MGAT5: variants seen among roughly 807,000 people sequenced by gnomAD.
MGAT5 encodes alpha-1,6-mannosylglycoprotein 6-beta-N-acetylglucosaminyltransferase.
Under a neutral mutation model 94.3 loss-of-function variants are expected in MGAT5, and 30 were observed. That is an observed-to-expected ratio of 0.32 (90% confidence interval 0.24 to 0.43). MGAT5 has a LOEUF of 0.43. Among genes scored for constraint, MGAT5 ranks in the 20% least tolerant of loss-of-function variants. The probability of loss-of-function intolerance (pLI) is 1.00; values close to 1 mark genes in which losing one functional copy is unlikely to be tolerated. For synonymous variants in MGAT5, 310 were observed against 322.9 expected (o/e 0.96, Z 0.43); for missense variants, 691 against 905.5 (o/e 0.76, Z 3.04).
intron 2 of MGAT5, among the ~76,000 whole-genome samples, chr2:134,282,095 T>C (rs1684732370): frequency 6.6e-6 from 1 of 152,246 alleles, no homozygotes; most frequent in Admixed American, 6.5e-5. Flanking sequence ...CTCCTTTCGC[T>C]TCTGGCCTCT....
At chr2:134,333,028 G>T (rs1427748337) in intron 4 of MGAT5, among the ~76,000 whole-genome samples, 1 of 152,116 alleles carries the variant, frequency 6.6e-6, no homozygotes, top group Non-Finnish European at 1.5e-5. Context: ...TCAGTGTGGC[G>T]ATTCCTCAGG....
chr2:134,276,405 A>G (rs1394654885), intron 2 of MGAT5, among the ~76,000 whole-genome samples: 1 of 152,250 alleles, frequency 6.6e-6, no homozygotes, highest in African/African-American at 2.4e-5. Flanking sequence ...AAGTAGTCTT[A>G]GAGAATGGGT....
chr2:134,198,123 C>A (rs548737898), intron 1 of MGAT5, among the ~76,000 whole-genome samples: 1 of 152,130 alleles, frequency 6.6e-6, no homozygotes, highest in Non-Finnish European at 1.5e-5. Context: ...AATTTTTAAG[C>A]CTGTATAGCC....
chr2:134,270,202 G>GT (rs1683944917), intron 1 of MGAT5, among the ~76,000 whole-genome samples, 184 bp from the exon 2 acceptor site: 1 of 152,242 alleles, frequency 6.6e-6, no homozygotes, highest in African/African-American at 2.4e-5. Flanking sequence ...ACAGACTGAT[G>GT]TATTTAGTAG....
chr2:134,451,702 AT>A lies in MGAT5; in HGVS notation c.*2857del, dbSNP rs1463375163. On this transcript the variant is annotated 3_prime_UTR_variant, in exon 16 of 16. Transcript: ENST00000281923. ...TATAATATCTTGCCTGTTTTTTTGG[AT>A]TATTTTCCCCATTGTGATCCTAAGC... 1 of 152,096 alleles carries A rather than the reference AT, an allele frequency of 6.6e-6. No homozygotes were observed. The highest frequency in any genetic ancestry group is 1.9e-4 in the East Asian group (1 of 5,196). The allele number at this position is 152,096 out of a possible 1,614,324, so 9.4% of individuals were successfully genotyped here. A position where few individuals can be genotyped will look rare whatever the true frequency, so the allele number is the denominator to read the frequency against.
At chr2:134,126,884 GC>G (rs1359166067) in intron 1 of MGAT5, among the ~76,000 whole-genome samples, 1 of 150,830 alleles carries the variant, frequency 6.6e-6, no homozygotes, top group African/African-American at 2.4e-5. Flanking sequence ...TCTTGCAGCT[GC>G]TTTTTTTTTT....
At position 134,223,019 on chromosome 2, in the gene MGAT5, C is replaced by A. The variant is rs182468247; in HGVS notation, c.-142-31243C>A. ...ATTATATATCTATATCTATATTTAT[C>A]TTCACAACTTATAATTGGGAGTATT... On this transcript the variant is annotated intron_variant, in intron 1 of 16. Coordinates refer to the MGAT5 transcript ENST00000409645. Among the ~76,000 whole-genome samples, 18 of 152,054 alleles carry A rather than the reference C, an allele frequency of 1.2e-4. No homozygotes were observed. In the East Asian group the frequency reaches 3.3e-3, roughly 28 times the overall value.
intron 1 of MGAT5, among the ~76,000 whole-genome samples, chr2:134,243,584 G>A (rs1351784180): frequency 6.6e-6 from 1 of 152,176 alleles, no homozygotes; most frequent in East Asian, 1.9e-4. Context: ...TAAAGCTTAG[G>A]GCTGTGCGAT....
In MGAT5 at chr2:134,263,046, G is replaced by A. The variant is rs986167540; in HGVS notation, c.242-7340G>A. On this transcript the variant is annotated intron_variant, in intron 1 of 15. Coordinates refer to ENST00000281923, the MANE Select transcript of MGAT5 (RefSeq NM_002410.5). The stretch of plus-strand genomic sequence containing the variant: ...TTTGGATCTAACCAGGGCATTGGTG[G>A]TGGTGGTGTTTCTGGCATGGTACAG... Among the ~76,000 whole-genome samples, 10 of 152,198 alleles carry A rather than the reference G, an allele frequency of 6.6e-5. No individual in the cohort carries two copies. The East Asian group carries it at 9.6e-4, about 15-fold the overall frequency.
chr2:134,126,280 A>C (rs1404850970), intron 1 of MGAT5, among the ~76,000 whole-genome samples: 2 of 152,200 alleles, frequency 1.3e-5, no homozygotes, highest in Non-Finnish European at 2.9e-5. Flanking sequence ...CAGAAGAGTT[A>C]AGTTCAGTGA....
chr2:134,128,701 G>A (rs947886416), intron 1 of MGAT5, among the ~76,000 whole-genome samples: 5 of 152,082 alleles, frequency 3.3e-5, no homozygotes, highest in Non-Finnish European at 7.3e-5. Flanking sequence ...TAGGGCTACA[G>A]GCATGTGTCA....
chr2:134,430,021 GA>G (rs1051198655), intron 14 of MGAT5, among the ~76,000 whole-genome samples: 6 of 152,210 alleles, frequency 3.9e-5, no homozygotes, highest in Non-Finnish European at 8.8e-5. Flanking sequence ...TCAGGAGACA[GA>G]AGGTGTCCAG....
intron 12 of MGAT5, among the ~76,000 whole-genome samples, chr2:134,416,623 C>T (rs1428539014): frequency 1.3e-5 from 2 of 151,844 alleles, no homozygotes; most frequent in Non-Finnish European, 2.9e-5. Context: ...AGTTGTGTGC[C>T]ACGACACCTC....
chr2:134,182,665 G>A (rs561340442), intron 1 of MGAT5, among the ~76,000 whole-genome samples: 2 of 151,828 alleles, frequency 1.3e-5, no homozygotes, highest in South Asian at 2.1e-4. Flanking sequence ...CACTGTCACC[G>A]CCACCCCATC....
At chr2:134,443,718 G>C (rs908430096) in intron 15 of MGAT5, among the ~76,000 whole-genome samples, 1 of 152,190 alleles carries the variant, frequency 6.6e-6, no homozygotes, top group Admixed American at 6.5e-5. Flanking sequence ...TGAATTGTAG[G>C]GTCCTGTGAG....
At chr2:134,357,974 A>G (rs542211352) in intron 9 of MGAT5, among the ~76,000 whole-genome samples, 1 of 152,324 alleles carries the variant, frequency 6.6e-6, no homozygotes, top group Non-Finnish European at 1.5e-5. Context: ...CTATTTTTCA[A>G]TGAATTTTTT....
chr2:134,282,134 A>T (rs965404102), intron 2 of MGAT5, among the ~76,000 whole-genome samples: 1 of 152,216 alleles, frequency 6.6e-6, no homozygotes, highest in Non-Finnish European at 1.5e-5. Flanking sequence ...GGTGATGAAG[A>T]TAAACTGCCT....
chr2:134,218,976 G>T (rs931222776), intron 1 of MGAT5, among the ~76,000 whole-genome samples: 38 of 152,176 alleles, frequency 2.5e-4, no homozygotes, highest in African/African-American at 8.7e-4. Flanking sequence ...CATAGTCTCT[G>T]GGAAAGCCAC....
At chr2:134,371,389 G>A (rs1680789384) in intron 10 of MGAT5, among the ~76,000 whole-genome samples, 1 of 152,178 alleles carries the variant, frequency 6.6e-6, no homozygotes, top group Admixed American at 6.5e-5. Flanking sequence ...GCATAAGGGT[G>A]GGAGGAAAAT....
Sources: allele counts gnomAD v4.1 joint callset (sites outside exome capture counted in the v4.1 genomes callset), GRCh38; gene constraint gnomAD v4.1.1; transcripts MANE v1.5; gene names NCBI Gene and HGNC (gene_info 2026-07-23, HGNC 2026-07-21).